Variants in HOMER2 observed in about 807,000 individuals in gnomAD.
HOMER2 encodes the protein homer protein homolog 2.
Under a neutral mutation model 47.0 loss-of-function variants are expected in HOMER2, and 27 were observed. The ratio of observed to expected loss-of-function variants is 0.57; its 90% CI spans 0.42 to 0.79. The LOEUF (loss-of-function observed/expected upper bound fraction) is 0.79. HOMER2 is among the 30% of genes least tolerant of loss of function. HOMER2 has a pLI of 0.00. For missense variants in HOMER2, 443 were observed against 435.0 expected, an observed-to-expected ratio of 1.02 and a Z score of -0.16; for synonymous variants, 161 against 163.8, an observed-to-expected ratio of 0.98 and a Z score of 0.13.
intron 2 of HOMER2, among the ~76,000 whole-genome samples, chr15:82,890,211 G>A (rs1276182680): frequency 6.6e-6 from 1 of 152,132 alleles, no homozygotes; most frequent in East Asian, 1.9e-4. Flanking sequence ...GCATAGTGGT[G>A]GGTACCTATA....
intron 1 of HOMER2, among the ~76,000 whole-genome samples, chr15:82,945,056 T>C (rs543745601): frequency 6.6e-6 from 1 of 152,252 alleles, no homozygotes; most frequent in African/African-American, 2.4e-5. Flanking sequence ...CGATGAATCC[T>C]TGATGTTCTT....
intron 7 of HOMER2, 38 bp downstream of exon 7, chr15:82,852,104 G>A (rs2051414134): frequency 2.0e-6 from 3 of 1,481,908 alleles, no homozygotes; most frequent in Admixed American, 1.7e-5. Context: ...AAGGCCAAGA[G>A]GACGCCAAGG....
At chr15:82,896,552 C>A (rs1017190722) in intron 1 of HOMER2, among the ~76,000 whole-genome samples, 1 of 152,204 alleles carries the variant, frequency 6.6e-6, no homozygotes, top group Non-Finnish European at 1.5e-5. Flanking sequence ...TGGTCAGGCC[C>A]TCTGCAGGGC....
chr15:82,840,829 A>C (rs552855885), exon 2 of HOMER2: 3 of 151,996 alleles, frequency 2.0e-5, no homozygotes, highest in Non-Finnish European at 4.4e-5. Context: ...CAACAACCCC[A>C]TATTTCCTAA....
chr15:82,910,940 G>GTA (rs869129349), intron 1 of HOMER2, among the ~76,000 whole-genome samples: 1 of 150,944 alleles, frequency 6.6e-6, no homozygotes, highest in Non-Finnish European at 1.5e-5. Flanking sequence ...AAGGGAGGAG[G>GTA]GTTCAGGGCT....
Position 82,889,824 on chromosome 15 carries a change from G to A in HOMER2, c.162+2861C>T, listed in dbSNP as rs534442626. Among the ~76,000 whole-genome samples the A allele has an allele frequency of 9.6e-4, 146 of 152,322 alleles. 1 individual carries two copies. Among genetic ancestry groups the A allele is most frequent in the African/African-American group, 3.4e-3 (142 of 41,560 alleles). On this transcript the variant is annotated intron_variant, in intron 2 of 8. Transcript: ENST00000450735. ...GCCTGCCAGGTCGAGAGAGGGCCCA[G>A]CAGGGCTGAATGTGCATTGGGACCA...
chr15:82,901,310 AGAG>A (rs1158500036), intron 1 of HOMER2, among the ~76,000 whole-genome samples: 1 of 152,212 alleles, frequency 6.6e-6, no homozygotes, highest in Non-Finnish European at 1.5e-5. Context: ...AAAGGGGTGC[AGAG>A]GAGGAGGTAA....
At chr15:82,910,041 G>T (rs180949425) in intron 1 of HOMER2, among the ~76,000 whole-genome samples, 1 of 145,474 alleles carries the variant, frequency 6.9e-6, no homozygotes, top group Non-Finnish European at 1.5e-5. Context: ...GCTGAGGCAG[G>T]AGAATCGCTT....
chr15:82,960,252 A>G (rs1399444920), intron 1 of HOMER2, among the ~76,000 whole-genome samples: 1 of 152,204 alleles, frequency 6.6e-6, no homozygotes, highest in East Asian at 1.9e-4. Flanking sequence ...AATGAGTGCA[A>G]TTTTGGACAT....
intron 1 of HOMER2, among the ~76,000 whole-genome samples, chr15:82,925,362 G>A (rs2053829312): frequency 6.6e-6 from 1 of 152,184 alleles, no homozygotes; most frequent in Non-Finnish European, 1.5e-5. Flanking sequence ...TGGCCACACA[G>A]AACCTCCATG....
upstream of HOMER2, among the ~76,000 whole-genome samples, chr15:82,954,780 T>TTTG (rs1015075329): frequency 3.3e-5 from 5 of 152,024 alleles, no homozygotes; most frequent in Non-Finnish European, 5.9e-5. Flanking sequence ...ATCATTCTGT[T>TTTG]TTGTTGTTGT....
chr15:82,900,880 T>C (rs989459605), intron 1 of HOMER2, among the ~76,000 whole-genome samples: 6 of 152,236 alleles, frequency 3.9e-5, no homozygotes, highest in Non-Finnish European at 7.3e-5. Context: ...GATAAATTAG[T>C]GATCTGATAG....
At chr15:82,894,062 T>C (rs1755073100) in intron 1 of HOMER2, among the ~76,000 whole-genome samples, 1 of 92,532 alleles carries the variant, frequency 1.1e-5, no homozygotes, top group Admixed American at 1.0e-4. Flanking sequence ...TTTTGAGTTT[T>C]ATGTAAATTC....
chr15:82,938,372 C>A (rs992980386), intron 1 of HOMER2, among the ~76,000 whole-genome samples: 2 of 151,978 alleles, frequency 1.3e-5, no homozygotes, highest in Non-Finnish European at 2.9e-5. Context: ...AGACACCGTC[C>A]CCCGCAAAAA....
chr15:82,861,802 C>A (rs1391479636), intron 4 of HOMER2, among the ~76,000 whole-genome samples: 1 of 152,096 alleles, frequency 6.6e-6, no homozygotes, highest in Non-Finnish European at 1.5e-5. Flanking sequence ...ATATCAGAAG[C>A]TTGAGATCAG....
chr15:82,917,589 T>C (rs1262274116), intron 1 of HOMER2, among the ~76,000 whole-genome samples: 1 of 152,172 alleles, frequency 6.6e-6, no homozygotes, highest in Non-Finnish European at 1.5e-5. Flanking sequence ...CCCCAGTGTA[T>C]GTGAGAGGGA....
At chr15:82,911,460 G>GT (rs887272547) in intron 1 of HOMER2, among the ~76,000 whole-genome samples, 3 of 152,194 alleles carry the variant, frequency 2.0e-5, no homozygotes, top group Admixed American at 6.5e-5. Flanking sequence ...AAAAAAAGCT[G>GT]TTTTTTTATT....
At chr15:82,889,726 C>A (rs1037018691) in intron 2 of HOMER2, among the ~76,000 whole-genome samples, 4 of 152,172 alleles carry the variant, frequency 2.6e-5, no homozygotes, top group African/African-American at 2.4e-5. Context: ...TCTCTCCATG[C>A]CCACCCGACT....
intron 1 of HOMER2, among the ~76,000 whole-genome samples, chr15:82,927,670 A>G (rs558026852): frequency 7.9e-5 from 12 of 152,290 alleles, no homozygotes; most frequent in African/African-American, 2.2e-4. Context: ...CAAAGTTAGG[A>G]TGTAAGAAGT....
Sources: gnomAD v4.1 joint callset for allele counts (sites outside exome capture counted in the v4.1 genomes callset) on GRCh38, gnomAD v4.1.1 for gene constraint, MANE v1.5 for transcripts, NCBI Gene and HGNC (gene_info 2026-07-23, HGNC 2026-07-21) for gene names.